AFF1: variants seen among roughly 807,000 people sequenced by gnomAD.
AFF1 encodes AF4/FMR2 family member 1.
Under a neutral mutation model 121.7 loss-of-function variants are expected in AFF1, and 48 were observed. That is an observed-to-expected ratio of 0.39 (90% confidence interval 0.31 to 0.50). The LOEUF (loss-of-function observed/expected upper bound fraction) is 0.50. Among genes scored for constraint, AFF1 ranks in the 20% least tolerant of loss-of-function variants. The pLI, the probability that AFF1 is intolerant of heterozygous loss-of-function variation, is 0.76. For synonymous variants in AFF1, 613 were observed against 563.0 expected, an observed-to-expected ratio of 1.09 and a Z score of -1.26; for missense variants, 1,523 against 1,511.7, an observed-to-expected ratio of 1.01 and a Z score of -0.12.
chr4:87,079,917 C>T (rs922954628), intron 4 of AFF1, among the ~76,000 whole-genome samples: 37 of 152,006 alleles, frequency 2.4e-4, no homozygotes, highest in Admixed American at 2.4e-3. Flanking sequence ...TAGTGTAGTC[C>T]CCCTACCTCC....
At chr4:86,976,433 G>A (rs189449339) in intron 2 of AFF1, among the ~76,000 whole-genome samples, 3 of 152,060 alleles carry the variant, frequency 2.0e-5, no homozygotes, top group East Asian at 3.8e-4. Context: ...GTCATATCAC[G>A]CACCCATGAA....
intron 2 of AFF1, among the ~76,000 whole-genome samples, chr4:87,040,821 C>T (rs1730061839): frequency 6.6e-6 from 1 of 151,246 alleles, no homozygotes; most frequent in South Asian, 2.1e-4. Context: ...GATCCACCCT[C>T]CTCAGCCCCC....
intron 8 of AFF1, among the ~76,000 whole-genome samples, 163 bp from the exon 9 acceptor site, chr4:87,105,465 G>T (rs1217965616): frequency 6.6e-6 from 1 of 152,172 alleles, no homozygotes; most frequent in Non-Finnish European, 1.5e-5. Context: ...TTGTATAATT[G>T]TAAAACTTAA....
chr4:87,124,771 T>C (rs888236028), intron 12 of AFF1, among the ~76,000 whole-genome samples: 4 of 152,216 alleles, frequency 2.6e-5, no homozygotes, highest in Non-Finnish European at 5.9e-5. Context: ...TTTAGGCATC[T>C]TCGTTTTCTT....
At chr4:87,068,148 T>C (rs138829810) in intron 4 of AFF1, among the ~76,000 whole-genome samples, 109 of 73,992 alleles carry the variant, frequency 1.5e-3, no homozygotes, top group African/African-American at 6.8e-3. Flanking sequence ...AATTTTTCCC[T>C]CTAGAGTTTT....
At chr4:87,003,491 C>T (rs1025418737) in intron 2 of AFF1, among the ~76,000 whole-genome samples, 40 of 152,088 alleles carry the variant, frequency 2.6e-4, no homozygotes, top group African/African-American at 8.7e-4. Context: ...TGCCCTCAAG[C>T]GATCTTTTTA....
intron 1 of AFF1, among the ~76,000 whole-genome samples, chr4:86,948,054 G>T (rs1720996588): frequency 6.9e-6 from 1 of 144,926 alleles, no homozygotes; most frequent in Non-Finnish European, 1.5e-5. Context: ...ACATTTCTTG[G>T]TTGTTTTTTT....
Position 87,132,407 on chromosome 4 carries a change from A to G in AFF1, c.3310A>G (p.Arg1104Gly). 1 of 1,608,426 alleles carries G rather than the reference A, an allele frequency of 6.2e-7. No individual in the cohort carries two copies. Among genetic ancestry groups the G allele is most frequent in the Non-Finnish European group, 8.5e-7 (1 of 1,178,374 alleles). The change falls in exon 19 of 21, where the codon AGA becomes GGA. Residue 1104 changes from arginine to glycine, a missense_variant and splice_region_variant. Around this residue, in one of 5 missense-constraint regions of AFF1, gnomAD observed 241 missense variants for 265.2 expected, o/e 0.91. Transcript: ENST00000395146. Reference protein sequence around the residue: ...VAQAPSPCIARSTGTPSPLSP... With the variant: ...VAQAPSPCIAGSTGTPSPLSP... The stretch of plus-strand genomic sequence containing the variant: ...CCAGGCACCTTCTCCATGCATTGCA[A>G]GGTAACTCTAAGTCTAATATAAATA...
chr4:87,088,993 C>A (rs982524673), intron 5 of AFF1, among the ~76,000 whole-genome samples: 2 of 152,132 alleles, frequency 1.3e-5, no homozygotes, highest in African/African-American at 4.8e-5. Context: ...GATCCACCTG[C>A]CTTGGCCTCC....
At chr4:86,946,256 C>A in intron 1 of AFF1, among the ~76,000 whole-genome samples, 1 of 152,222 alleles carries the variant, frequency 6.6e-6, no homozygotes, top group East Asian at 1.9e-4. Flanking sequence ...CCTCTCTGCA[C>A]TCCCATTTTG....
chr4:86,954,192 T>C (rs1221803596), intron 2 of AFF1, among the ~76,000 whole-genome samples: 2 of 152,216 alleles, frequency 1.3e-5, no homozygotes, highest in Non-Finnish European at 2.9e-5. Context: ...ATATAGCATA[T>C]ACTCCTTTAT....
chr4:87,079,301 C>G (rs1722950963), intron 4 of AFF1, among the ~76,000 whole-genome samples: 1 of 152,198 alleles, frequency 6.6e-6, no homozygotes, highest in Non-Finnish European at 1.5e-5. Flanking sequence ...CTTATTAAAA[C>G]AAACTGTCAT....
intron 16 of AFF1, among the ~76,000 whole-genome samples, chr4:87,130,552 C>T (rs943928201): frequency 4.6e-5 from 7 of 152,238 alleles, no homozygotes; most frequent in South Asian, 4.2e-4. Context: ...CTGTTGGCCT[C>T]GGAGGATGGT....
At position 87,135,560 on chromosome 4, in the gene AFF1, T is replaced by C; in HGVS notation, c.3536-20T>C. The C allele has an allele frequency of 6.8e-7, 1 of 1,479,126 alleles. No individual in the cohort carries two copies. Among genetic ancestry groups the C allele is most frequent in the Non-Finnish European group, 9.0e-7 (1 of 1,115,046 alleles). The allele number at this position is 1,479,126 out of a possible 1,614,324, so 91.6% of individuals were successfully genotyped here. On this transcript the variant is annotated intron_variant, in intron 20 of 20. Transcript: ENST00000395146. ...GCTTGTGTATTTACTTGTTTTTGTT[T>C]TGTTTTGTTTTTTTTGCAGAATTCT... is the stretch of plus-strand genomic sequence containing the variant.
intron 16 of AFF1, among the ~76,000 whole-genome samples, chr4:87,128,910 T>C (rs570974220): frequency 1.8e-4 from 28 of 152,342 alleles, no homozygotes; most frequent in African/African-American, 6.3e-4. Flanking sequence ...TATGAATCTT[T>C]GGAGTTTTGG....
intron 8 of AFF1, among the ~76,000 whole-genome samples, chr4:87,096,180 T>G (rs1444940046): frequency 6.6e-6 from 1 of 151,968 alleles, no homozygotes; most frequent in African/African-American, 2.4e-5. Flanking sequence ...GAAAGATGGG[T>G]TTTGTGCATG....
chr4:87,042,655 T>C (rs537374116), intron 2 of AFF1, among the ~76,000 whole-genome samples: 246 of 152,376 alleles, frequency 1.6e-3, no homozygotes, highest in African/African-American at 5.6e-3. Flanking sequence ...TAGAATTACA[T>C]GTCTGCCGAT....
At chr4:87,032,616 A>C (rs1305020848) in intron 2 of AFF1, among the ~76,000 whole-genome samples, 1 of 152,108 alleles carries the variant, frequency 6.6e-6, no homozygotes, top group African/African-American at 2.4e-5. Context: ...AGTTGTAGGA[A>C]TTTTGTCTCT....
intron 2 of AFF1, among the ~76,000 whole-genome samples, chr4:86,986,078 T>C (rs1173692110): frequency 6.6e-6 from 1 of 150,692 alleles, no homozygotes; most frequent in African/African-American, 2.5e-5. Flanking sequence ...TTTAATTTAA[T>C]TTAATGTAAT....
Sources: gnomAD v4.1 joint callset for allele counts (sites outside exome capture counted in the v4.1 genomes callset) on GRCh38, gnomAD v4.1.1 for gene constraint, gnomAD v4.1.1 regional missense constraint, MANE v1.5 for transcripts, NCBI Gene and HGNC (gene_info 2026-07-23, HGNC 2026-07-21) for gene names.